COL18A1: variants seen among roughly 807,000 people sequenced by gnomAD.
The protein encoded by COL18A1 is collagen alpha-1(XVIII) chain.
A neutral mutation model predicts 168.0 loss-of-function variants in COL18A1; 133 were observed. The ratio of observed to expected loss-of-function variants is 0.79; its 90% CI spans 0.69 to 0.91. COL18A1 has a LOEUF of 0.91. Ranked by LOEUF, COL18A1 falls within the 40% of genes least tolerant of loss-of-function variation. The pLI, the probability that COL18A1 is intolerant of heterozygous loss-of-function variation, is 0.00. For synonymous variants in COL18A1, 949 were observed against 809.0 expected, an observed-to-expected ratio of 1.17 and a Z score of -2.94; for missense variants, 2,126 against 1,925.4, an observed-to-expected ratio of 1.10 and a Z score of -1.95.
chr21:45,483,480 C>T (rs2145948390), intron 15 of COL18A1, among the ~76,000 whole-genome samples: 1 of 152,252 alleles, frequency 6.6e-6, no homozygotes, highest in Non-Finnish European at 1.5e-5. Flanking sequence ...CAACGACCCA[C>T]TTCCTCCTTC....
At chr21:45,456,123 T>C (rs770112416) in intron 2 of COL18A1, 1 of 1,585,594 alleles carries the variant, frequency 6.3e-7, no homozygotes, top group Non-Finnish European at 8.6e-7. Flanking sequence ...CCTCCCTCCC[T>C]GGGCAGGCCC....
chr21:45,498,457 C>T lies in COL18A1; in HGVS notation c.2683+796C>T, dbSNP rs1236013311. The T allele has an allele frequency of 8.6e-6, 6 of 701,292 alleles. No individual in the cohort carries two copies. The highest frequency in any genetic ancestry group is 4.1e-5 in the Admixed American group (2 of 49,244). 43.4% of individuals were successfully genotyped at this position (701,292 alleles called of 1,614,324 possible). ...CCCTCTCGCCGCCAGGGTCCCCTCT[C>T]GCCGCCACGGTCCCCGCTCGCCGCC... On this transcript the variant is annotated intron_variant, in intron 32 of 41. Coordinates refer to ENST00000651438, the MANE Select transcript of COL18A1 (RefSeq NM_001379500.1). The surrounding 1 kb of genome is among the most constrained non-coding windows in gnomAD (Gnocchi z 4.5).
intron 2 of COL18A1, among the ~76,000 whole-genome samples, chr21:45,442,650 G>A (rs930791791): frequency 2.7e-5 from 4 of 148,598 alleles, no homozygotes; most frequent in East Asian, 2.0e-4. Context: ...TGTGGGCAGC[G>A]GTGCTGGTGT....
chr21:45,454,157 G>A (rs902803012), intron 2 of COL18A1, among the ~76,000 whole-genome samples: 1 of 152,224 alleles, frequency 6.6e-6, no homozygotes, highest in African/African-American at 2.4e-5. Context: ...CTGACATGCA[G>A]ATGTTTGCTT....
intron 24 of COL18A1, 26 bp from the exon 25 acceptor site, chr21:45,493,137 G>C (rs752458824): frequency 6.5e-6 from 10 of 1,550,344 alleles, no homozygotes; most frequent in Non-Finnish European, 8.7e-6. Flanking sequence ...AGCCGCTCGG[G>C]CCTCACGGCC....
At chr21:45,452,947 T>C (rs539946031) in intron 2 of COL18A1, among the ~76,000 whole-genome samples, 4 of 152,078 alleles carry the variant, frequency 2.6e-5, no homozygotes, top group East Asian at 1.9e-4. Context: ...TGTGAGCATG[T>C]ATGTACATGT....
At chr21:45,439,610 G>A (rs1047614331) in intron 2 of COL18A1, among the ~76,000 whole-genome samples, 1 of 152,260 alleles carries the variant, frequency 6.6e-6, no homozygotes, top group Non-Finnish European at 1.5e-5. Flanking sequence ...CGTCGCGCGG[G>A]CTCCAGACGT....
intron 32 of COL18A1, among the ~76,000 whole-genome samples, chr21:45,503,641 T>A (rs867591296): frequency 1.5e-4 from 8 of 54,874 alleles, no homozygotes; most frequent in Admixed American, 8.7e-4. Flanking sequence ...TGTTGTGGGG[T>A]GGGGGGAGGG....
At chr21:45,416,538 T>C (rs2033451005) in intron 2 of COL18A1, among the ~76,000 whole-genome samples, 1 of 152,146 alleles carries the variant, frequency 6.6e-6, no homozygotes, top group African/African-American at 2.4e-5. Flanking sequence ...TGGGCCTCGG[T>C]CCGTCCTCTG....
intron 26 of COL18A1, 62 bp from the exon 27 acceptor site, chr21:45,494,481 CAG>C (rs1281464230): frequency 2.5e-6 from 4 of 1,611,346 alleles, no homozygotes; most frequent in Non-Finnish European, 3.4e-6. Context: ...CAGGGGCCCT[CAG>C]AGAGGCTGCC....
intron 2 of COL18A1, among the ~76,000 whole-genome samples, 160 bp from the exon 3 acceptor site, chr21:45,468,082 G>T (rs573998234): frequency 6.6e-6 from 1 of 152,218 alleles, no homozygotes; most frequent in African/African-American, 2.4e-5. Flanking sequence ...CCGTTGGGTG[G>T]CTGAGCCCAG....
At chr21:45,479,986 G>C in intron 10 of COL18A1, 22 bp downstream of exon 10, 1 of 1,613,788 alleles carries the variant, frequency 6.2e-7, no homozygotes, top group Non-Finnish European at 8.5e-7. Context: ...TGGCTGGGTG[G>C]GGCCCCTTCC....
At chr21:45,495,174 C>T in intron 28 of COL18A1, 184 bp from the exon 29 acceptor site, 2 of 664,624 alleles carry the variant, frequency 3.0e-6, no homozygotes. Flanking sequence ...CAGTCACCTC[C>T]TCCCAAAAGG....
intron 40 of COL18A1, among the ~76,000 whole-genome samples, chr21:45,510,789 C>T (rs970459638): frequency 9.9e-5 from 15 of 152,262 alleles, no homozygotes; most frequent in African/African-American, 2.9e-4. Flanking sequence ...TGGGAGCAGG[C>T]GGCTGTGGCC....
chr21:45,409,507 C>G (rs2033224940), intron 2 of COL18A1, among the ~76,000 whole-genome samples: 1 of 152,114 alleles, frequency 6.6e-6, no homozygotes, highest in Non-Finnish European at 1.5e-5. Flanking sequence ...AGGCCCTTTT[C>G]AAGGCCCAGG....
Position 45,480,831 on chromosome 21 carries a change from G to A in COL18A1, c.1584G>A (p.Glu528=), listed in dbSNP as rs2035866039. The change falls in exon 13 of 42, where the codon GAG becomes GAA. Residue 528 remains glutamate, a synonymous_variant. Transcript: ENST00000651438. The part of the protein sequence containing the change: ...PAGLPGVPGR[E]GPPGFPGLPG... ...GCCTTCCTGGTGTGCCTGGGCGCGA[G>A]GGTCCCCCCGGGTTTCCTGGCCTCC... 6.2e-7 allele frequency: 1 copy of A among 1,611,358 alleles called. No homozygotes were observed. The highest frequency in any genetic ancestry group is 8.5e-7 in the Non-Finnish European group (1 of 1,179,540).
intron 29 of COL18A1, chr21:45,495,879 A>G (rs1568928248): frequency 3.1e-6 from 1 of 318,004 alleles, no homozygotes; most frequent in Non-Finnish European, 6.2e-6. Flanking sequence ...CCACATGTGT[A>G]TCCACATACA....
rs182844460 is a variant in COL18A1 at position 45,504,105 on chromosome 21, G to A, written c.2727+51G>A. ...GGGCCCCCAAGGTCCTGTACATCCC[G>A]CTGGGTGGCTGCTCCCAATTTCTCG... On this transcript the variant is annotated intron_variant, in intron 33 of 41. Transcript: ENST00000651438. The A allele has an allele frequency of 4.7e-5, 74 of 1,582,886 alleles. No individual in the cohort carries two copies. In the South Asian group the frequency reaches 4.8e-4, roughly 10 times the overall value.
chr21:45,504,670 G>A, intron 34 of COL18A1, 114 bp downstream of exon 34: 3 of 903,128 alleles, frequency 3.3e-6, no homozygotes, highest in Non-Finnish European at 5.2e-6. Context: ...GCCCCTGCAA[G>A]CTCAGCAGCC....
Sources: allele counts gnomAD v4.1 joint callset (sites outside exome capture counted in the v4.1 genomes callset), GRCh38; gene constraint gnomAD v4.1.1; non-coding constraint Gnocchi (gnomAD v3.1); transcripts MANE v1.5; gene names NCBI Gene and HGNC (gene_info 2026-07-23, HGNC 2026-07-21).